HPSE2: variants seen among roughly 807,000 people sequenced by gnomAD.
HPSE2 encodes heparanase 2 (inactive).
HPSE2 carries 38 observed loss-of-function variants against 60.5 expected under a neutral mutation model. The observed-to-expected ratio is 0.63, with a 90% CI of 0.48 to 0.82. The LOEUF (loss-of-function observed/expected upper bound fraction) is 0.82, where lower values mean the gene tolerates loss of function less well. HPSE2 is among the 40% of genes least tolerant of loss of function. The pLI, the probability that HPSE2 is intolerant of heterozygous loss-of-function variation, is 0.00. For missense variants in HPSE2, 713 were observed against 740.4 expected (o/e 0.96, Z 0.43); for synonymous variants, 295 against 293.2 (o/e 1.01, Z -0.06).
chr10:98,964,438 T>A (rs534748095), intron 3 of HPSE2, among the ~76,000 whole-genome samples: 2 of 152,304 alleles, frequency 1.3e-5, no homozygotes, highest in Admixed American at 1.3e-4. Flanking sequence ...TTAGAATCCA[T>A]ATTATCTGCC....
At chr10:99,127,372 G>T (rs74985830) in intron 3 of HPSE2, among the ~76,000 whole-genome samples, 16 of 152,206 alleles carry the variant, frequency 1.1e-4, no homozygotes, top group South Asian at 6.2e-4. Flanking sequence ...TTCAACAATC[G>T]ACTAGAACAA....
chr10:98,958,448 G>T (rs974968865), intron 3 of HPSE2, among the ~76,000 whole-genome samples: 3 of 151,958 alleles, frequency 2.0e-5, no homozygotes, highest in Admixed American at 6.6e-5. Flanking sequence ...TTGATTAAAT[G>T]AATAAATAAT....
intron 3 of HPSE2, among the ~76,000 whole-genome samples, chr10:99,130,149 C>CA (rs960463016): frequency 1.0e-3 from 145 of 144,730 alleles, no homozygotes; most frequent in Middle Eastern, 3.5e-3. Flanking sequence ...AAATTGCCAA[C>CA]AAAAAAAAAA....
chr10:99,111,989 T>A (rs922226055), intron 3 of HPSE2, among the ~76,000 whole-genome samples: 1 of 152,174 alleles, frequency 6.6e-6, no homozygotes, highest in South Asian at 2.1e-4. Context: ...CATCTACATA[T>A]CCCTAGTGAG....
chr10:98,490,295 G>A, intron 9 of HPSE2, 99 bp from the exon 10 acceptor site: 1 of 1,322,264 alleles, frequency 7.6e-7, no homozygotes, highest in Non-Finnish European at 1.1e-6. Flanking sequence ...ACACACACGG[G>A]CCAGAAATCA....
intron 5 of HPSE2, among the ~76,000 whole-genome samples, chr10:98,707,778 G>A (rs879833048): frequency 6.6e-6 from 1 of 152,012 alleles, no homozygotes; most frequent in Non-Finnish European, 1.5e-5. Context: ...CAATTTATAG[G>A]CTTAATGAAA....
chr10:98,764,658 A>T lies in HPSE2; in HGVS notation c.611-20602T>A, dbSNP rs185650375. 1.5e-3 allele frequency among the ~76,000 whole-genome samples: 234 copies of T among 152,314 alleles called. 2 individuals carry two copies. Among genetic ancestry groups the T allele is most frequent in the African/African-American group, 5.2e-3 (218 of 41,570 alleles). On this transcript the variant is annotated intron_variant, in intron 3 of 11. Coordinates refer to ENST00000370552, the MANE Select transcript of HPSE2 (RefSeq NM_021828.5). ...CACTTGAGGTCAGAAGTTCGAGACC[A>T]GCCAGACCAACATGGTGAAACCCTG... is the stretch of plus-strand genomic sequence containing the variant.
chr10:99,141,092 T>C (rs922470249), intron 3 of HPSE2, among the ~76,000 whole-genome samples: 7 of 152,216 alleles, frequency 4.6e-5, no homozygotes, highest in Non-Finnish European at 2.9e-5. Flanking sequence ...TAGAACATTT[T>C]CAACAAATTT....
chr10:98,614,994 C>T lies in HPSE2; in HGVS notation c.1230G>A (p.Leu410=). ...GFLWLNTLGM[L]ANQGIDVVIR... ...TCACGACATCAATGCCCTGATTGGC[C>T]AGCATTCCTAAAGTGTTCAACCATC... The change falls in exon 9 of 12, where the codon CTG becomes CTA. Residue 410 remains leucine (L), a synonymous_variant. Coordinates refer to ENST00000370552, the MANE Select transcript of HPSE2 (RefSeq NM_021828.5). The T allele has an allele frequency of 6.2e-7, 1 of 1,613,836 alleles. No individual in the cohort carries two copies. Among genetic ancestry groups the T allele is most frequent in the Non-Finnish European group, 8.5e-7 (1 of 1,179,816 alleles).
At chr10:98,767,489 A>C (rs1950145606) in intron 3 of HPSE2, among the ~76,000 whole-genome samples, 1 of 149,170 alleles carries the variant, frequency 6.7e-6, no homozygotes, top group African/African-American at 2.4e-5. Flanking sequence ...AATACATGAT[A>C]TATACATGTA....
rs752023809 is a variant in HPSE2 at position 98,642,369 on chromosome 10, A to G, written c.1005-429T>C. Among the ~76,000 whole-genome samples, 3 of 152,214 alleles carry G rather than the reference A, an allele frequency of 2.0e-5. No homozygotes were observed. The South Asian group carries it at 6.2e-4, about 31-fold the overall frequency. Reference sequence around the variant, plus strand: ...CTCAATCATTTTAATAAATTTTTCCATATCTTTAAATAAGAAAATAAACAC... The same window carrying G: ...CTCAATCATTTTAATAAATTTTTCCGTATCTTTAAATAAGAAAATAAACAC... On this transcript the variant is annotated intron_variant, in intron 6 of 11. Coordinates refer to ENST00000370552, the MANE Select transcript of HPSE2 (RefSeq NM_021828.5).
rs192261502 is a variant in HPSE2 at position 98,788,598 on chromosome 10, T to C, written c.611-44542A>G. Among the ~76,000 whole-genome samples the C allele has an allele frequency of 8.2e-4, 125 of 152,144 alleles. 1 individual carries two copies. The East Asian group carries it at 0.022, about 26-fold the overall frequency. The stretch of plus-strand genomic sequence containing the variant: ...ACTGCTGTGCTAGCAATTAGCGAGA[T>C]TCCGTGGGCGTAGGACCCTCTGAGC... On this transcript the variant is annotated intron_variant, in intron 3 of 11. Transcript: ENST00000370552.
Position 98,459,679 on chromosome 10 carries a change from C to A in HPSE2, c.1674G>T (p.Leu558Phe). Residue 558 changes from leucine to phenylalanine, a missense_variant, in exon 12 of 12, where the codon TTG (leucine) becomes TTT (phenylalanine). Coordinates refer to ENST00000370552, the MANE Select transcript of HPSE2 (RefSeq NM_021828.5). ...VMVDDGTLPE[L>F]KPRPLRAGRT... ...GGCCGGCCCGAAGGGGGCGGGGCTT[C>A]AATTCTGGGAGGGTCCCGTCGTCCA... 1 of 1,614,126 alleles carries A rather than the reference C, an allele frequency of 6.2e-7. No homozygotes were observed. Among genetic ancestry groups the A allele is most frequent in the East Asian group, 2.2e-5 (1 of 44,880 alleles).
intron 3 of HPSE2, among the ~76,000 whole-genome samples, chr10:99,018,297 C>T (rs1475471454): frequency 6.6e-6 from 1 of 152,106 alleles, no homozygotes; most frequent in Non-Finnish European, 1.5e-5. Flanking sequence ...GCCTAAAGGC[C>T]AGGGAATGGG....
intron 5 of HPSE2, among the ~76,000 whole-genome samples, chr10:98,716,916 T>A (rs10786461): frequency 0.02 from 3,078 of 152,060 alleles, 121 homozygotes; most frequent in East Asian, 0.17. Flanking sequence ...ATTTATAGAG[T>A]ACAGGTGGAG....
chr10:99,046,944 T>G (rs1395095692), intron 3 of HPSE2, among the ~76,000 whole-genome samples: 1 of 152,114 alleles, frequency 6.6e-6, no homozygotes, highest in Non-Finnish European at 1.5e-5. Context: ...GCATCATTCT[T>G]CACAAAATTA....
In HPSE2 at chr10:99,235,659, A is replaced by G; in HGVS notation, c.144T>C (p.Pro48=). The change falls in exon 1 of 12, where the codon CCT becomes CCC. Residue 48 remains proline, a synonymous_variant. Coordinates refer to ENST00000370552, the MANE Select transcript of HPSE2 (RefSeq NM_021828.5). The part of the protein sequence containing the change: ...SSQAGDRRPL[P]VDRAAGLKEK... ...CCTTCAAACCTGCAGCTCTGTCTAC[A>G]GGCAAGGGTCTCCTGTCTCCAGCCT... is the stretch of plus-strand genomic sequence containing the variant. 6.2e-7 allele frequency: 1 copy of G among 1,614,016 alleles called. No homozygotes were observed. Among genetic ancestry groups the G allele is most frequent in the Non-Finnish European group, 8.5e-7 (1 of 1,180,002 alleles).
chr10:98,797,414 C>T (rs538716951), intron 3 of HPSE2, among the ~76,000 whole-genome samples: 63 of 152,122 alleles, frequency 4.1e-4, no homozygotes, highest in African/African-American at 1.5e-3. Context: ...TGAAGACATG[C>T]TATTTGAAAA....
chr10:98,583,961 T>TA lies in HPSE2; in HGVS notation c.1320+30942dup, dbSNP rs768582830. On this transcript the variant is annotated intron_variant, in intron 9 of 11. Coordinates refer to ENST00000370552, the MANE Select transcript of HPSE2 (RefSeq NM_021828.5). ...TTAGCAACTGTGAGTAGTGCTGCTA[T>TA]AAAAAATCACCTACAGGCTTTTGTG... 6.6e-5 allele frequency among the ~76,000 whole-genome samples: 10 copies of TA among 152,326 alleles called. No individual in the cohort carries two copies. In the South Asian group the frequency reaches 1.0e-3, roughly 16 times the overall value.
Sources: gnomAD v4.1 joint callset for allele counts (sites outside exome capture counted in the v4.1 genomes callset) on GRCh38, gnomAD v4.1.1 for gene constraint, MANE v1.5 for transcripts, NCBI Gene and HGNC (gene_info 2026-07-23, HGNC 2026-07-21) for gene names.